Variants in LRBA observed in about 807,000 individuals in gnomAD.
LRBA encodes the protein lipopolysaccharide-responsive and beige-like anchor protein.
A neutral mutation model predicts 330.0 loss-of-function variants in LRBA; 176 were observed. The observed-to-expected ratio is 0.53, with a 90% CI of 0.47 to 0.60. The LOEUF is 0.60. Ranked by LOEUF, LRBA falls within the 20% of genes least tolerant of loss-of-function variation. The pLI is 0.00. For synonymous variants in LRBA, 1,230 were observed against 1,193.0 expected (o/e 1.03, Z -0.64); for missense variants, 3,259 against 3,444.8 (o/e 0.95, Z 1.35).
At chr4:150,956,548 T>C (rs1267856630) in intron 2 of LRBA, among the ~76,000 whole-genome samples, 1 of 148,880 alleles carries the variant, frequency 6.7e-6, no homozygotes, top group African/African-American at 2.6e-5. Flanking sequence ...ACTAACCTTA[T>C]GCCAAGATCA....
intron 33 of LRBA, among the ~76,000 whole-genome samples, chr4:150,803,210 T>C (rs1454026882): frequency 6.6e-6 from 1 of 151,422 alleles, no homozygotes; most frequent in Non-Finnish European, 1.5e-5. Flanking sequence ...ACTATTACTA[T>C]TATTAGGTGT....
intron 37 of LRBA, among the ~76,000 whole-genome samples, chr4:150,682,262 A>G (rs116394013): frequency 1.1e-3 from 167 of 152,254 alleles, no homozygotes; most frequent in African/African-American, 3.8e-3. Flanking sequence ...AAAACCCTCA[A>G]TACAACACTC....
intron 47 of LRBA, among the ~76,000 whole-genome samples, chr4:150,351,231 T>C (rs187873986): frequency 9.8e-5 from 15 of 152,288 alleles, no homozygotes; most frequent in Middle Eastern, 3.4e-3. Flanking sequence ...TACTAAAGAC[T>C]TTTAAAAACT....
At chr4:150,444,937 G>GA (rs1425005920) in intron 44 of LRBA, among the ~76,000 whole-genome samples, 1 of 152,040 alleles carries the variant, frequency 6.6e-6, no homozygotes, top group East Asian at 1.9e-4. Context: ...CTCATTTTGA[G>GA]AAAATCACAT....
At chr4:150,666,569 G>C (rs567797693) in intron 37 of LRBA, among the ~76,000 whole-genome samples, 1 of 152,154 alleles carries the variant, frequency 6.6e-6, no homozygotes, top group African/African-American at 2.4e-5. Flanking sequence ...CATTTACATA[G>C]CATGAACATT....
rs1047668873 is a variant in LRBA, at chr4:150,844,785, A to G, written c.4340-6T>C. On this transcript the variant is annotated splice_region_variant and splice_polypyrimidine_tract_variant and intron_variant, in intron 26 of 56. Transcript: ENST00000651943. Reference sequence around the variant, plus strand: ...CCTTACTGCGACTGCACAAACTGTAATTTATTTTAAGGAAAAGATAGGGAA... The same window carrying G: ...CCTTACTGCGACTGCACAAACTGTAGTTTATTTTAAGGAAAAGATAGGGAA... 1.4e-5 allele frequency: 23 copies of G among 1,607,858 alleles called. No individual in the cohort carries two copies. The highest frequency in any genetic ancestry group is 1.9e-5 in the Non-Finnish European group (22 of 1,177,330).
At chr4:150,330,141 A>T (rs951777658) in intron 48 of LRBA, among the ~76,000 whole-genome samples, 1 of 152,016 alleles carries the variant, frequency 6.6e-6, no homozygotes, top group Non-Finnish European at 1.5e-5. Flanking sequence ...TTATTCTCTC[A>T]TTCTATCTAT....
intron 9 of LRBA, among the ~76,000 whole-genome samples, chr4:150,912,802 C>G (rs1732158094): frequency 1.3e-5 from 2 of 152,116 alleles, no homozygotes; most frequent in African/African-American, 4.8e-5. Flanking sequence ...GGTTGCTGAT[C>G]TGAGATCTTT....
intron 30 of LRBA, among the ~76,000 whole-genome samples, chr4:150,817,941 T>A (rs1055207307): frequency 2.6e-5 from 4 of 152,064 alleles, no homozygotes; most frequent in African/African-American, 9.7e-5. Flanking sequence ...TCCATAAACA[T>A]GCAAAAACTC....
intron 40 of LRBA, among the ~76,000 whole-genome samples, chr4:150,553,908 T>C (rs534209860): frequency 2.0e-5 from 3 of 152,328 alleles, no homozygotes; most frequent in South Asian, 4.1e-4. Context: ...CAGAGTTCAC[T>C]GGTTCCAGAG....
intron 37 of LRBA, among the ~76,000 whole-genome samples, chr4:150,620,298 A>G (rs1434650777): frequency 6.6e-6 from 1 of 152,184 alleles, no homozygotes; most frequent in Non-Finnish European, 1.5e-5. Context: ...TAAAAAGTCA[A>G]AAAACAGTAG....
rs566344010 is a variant in LRBA, at chr4:150,844,523, T to C, written c.4461+135A>G. The C allele has an allele frequency of 3.3e-4, 210 of 640,632 alleles. 2 individuals are homozygous for C. Among genetic ancestry groups the C allele is most frequent in the South Asian group, 1.6e-3 (52 of 31,962 alleles). The allele number at this position is 640,632 out of a possible 1,614,324, so 39.7% of individuals were successfully genotyped here. A position where few individuals can be genotyped will look rare whatever the true frequency, so the allele number is the denominator to read the frequency against. On this transcript the variant is annotated intron_variant, in intron 27 of 56. Transcript: ENST00000651943. ...GTGTATTTAAACACAAATATTTGAA[T>C]GTTATATGCAGGCCTAAAGTAACTA...
chr4:150,922,274 G>T (rs17505402), intron 4 of LRBA, among the ~76,000 whole-genome samples: 19,215 of 151,816 alleles, frequency 0.13, 1,715 homozygotes, highest in Non-Finnish European at 0.18. Flanking sequence ...ATATTCCACT[G>T]TTAAAGGTAC....
At chr4:150,572,774 T>C (rs1018467679) in intron 40 of LRBA, among the ~76,000 whole-genome samples, 1 of 152,122 alleles carries the variant, frequency 6.6e-6, no homozygotes, top group East Asian at 1.9e-4. Context: ...CTGTCAGTGC[T>C]GAAGGAAATA....
intron 37 of LRBA, among the ~76,000 whole-genome samples, chr4:150,673,676 C>T (rs1782276052): frequency 6.6e-6 from 1 of 152,114 alleles, no homozygotes; most frequent in South Asian, 2.1e-4. Flanking sequence ...AATATCATGA[C>T]ACTTCAACCT....
At chr4:150,585,371 C>G (rs1771983368) in intron 40 of LRBA, among the ~76,000 whole-genome samples, 2 of 152,056 alleles carry the variant, frequency 1.3e-5, no homozygotes, top group Admixed American at 6.5e-5. Flanking sequence ...TGCTTATATG[C>G]AATTCAAACA....
At chr4:150,819,133 A>C (rs1014915112) in intron 30 of LRBA, among the ~76,000 whole-genome samples, 1 of 152,042 alleles carries the variant, frequency 6.6e-6, no homozygotes, top group Admixed American at 6.6e-5. Context: ...ACATGGATGA[A>C]TCTCAAAAGC....
chr4:150,842,050 T>A (rs537557054), intron 28 of LRBA, among the ~76,000 whole-genome samples: 1 of 152,230 alleles, frequency 6.6e-6, no homozygotes, highest in Non-Finnish European at 1.5e-5. Flanking sequence ...CTAAAACTCC[T>A]ATAAGGTGAT....
intron 40 of LRBA, among the ~76,000 whole-genome samples, chr4:150,558,925 T>A (rs945604438): frequency 3.3e-5 from 5 of 152,062 alleles, no homozygotes; most frequent in African/African-American, 9.7e-5. Flanking sequence ...TGCTTAATAA[T>A]TACAAAGGAA....
Sources: gnomAD v4.1 joint callset for allele counts (sites outside exome capture counted in the v4.1 genomes callset) on GRCh38, gnomAD v4.1.1 for gene constraint, MANE v1.5 for transcripts, NCBI Gene and HGNC (gene_info 2026-07-23, HGNC 2026-07-21) for gene names.